MAP2K1: variants seen among roughly 807,000 people sequenced by gnomAD.
The protein encoded by MAP2K1 is dual specificity mitogen-activated protein kinase kinase 1.
A neutral mutation model predicts 46.3 loss-of-function variants in MAP2K1; 16 were observed. The observed-to-expected ratio is 0.35, with a 90% CI of 0.23 to 0.52. The LOEUF is 0.52. Among genes scored for constraint, MAP2K1 ranks in the 20% least tolerant of loss-of-function variants. The pLI is 0.94. For synonymous variants in MAP2K1, 183 were observed against 185.6 expected, an observed-to-expected ratio of 0.99 and a Z score of 0.11; for missense variants, 263 against 497.1, an observed-to-expected ratio of 0.53 and a Z score of 4.48.
At chr15:66,423,441 C>G (rs2093448604) in intron 1 of MAP2K1, among the ~76,000 whole-genome samples, 1 of 134,322 alleles carries the variant, frequency 7.4e-6, no homozygotes, top group African/African-American at 2.6e-5. Flanking sequence ...GTTTTTCTTT[C>G]CTTTTTTTTT....
chr15:66,415,190 C>G (rs1041291851), intron 1 of MAP2K1: 3 of 513,268 alleles, frequency 5.8e-6, no homozygotes, highest in Admixed American at 2.0e-5. Context: ...ACTGGTATGA[C>G]TGATGCCATC....
chr15:66,488,960 CAAGT>C lies in MAP2K1; in HGVS notation c.961-254_961-251del, dbSNP rs34067330. On this transcript the variant is annotated intron_variant, in intron 8 of 10. Transcript: ENST00000307102. ...TAGTGATTAGTTCAAAATCACCCGA[CAAGT>C]GAGTGGACTTGACTTGGTCCCAATT... 36,810 of 580,018 alleles carry C rather than the reference CAAGT, an allele frequency of 0.063. 1,478 individuals are homozygous for C. Among genetic ancestry groups the C allele is most frequent in the Middle Eastern group, 0.1 (215 of 2,144 alleles). 35.9% of individuals were successfully genotyped at this position (580,018 alleles called of 1,614,324 possible).
intron 6 of MAP2K1, among the ~76,000 whole-genome samples, chr15:66,482,882 T>C (rs1470317500): frequency 1.3e-5 from 2 of 151,002 alleles, no homozygotes; most frequent in African/African-American, 4.9e-5. Flanking sequence ...TGGCGGGGAG[T>C]GCAGGCCCGC....
chr15:66,435,281 G>C (rs2093484949), intron 2 of MAP2K1, 44 bp downstream of exon 2: 1 of 1,474,778 alleles, frequency 6.8e-7, no homozygotes, highest in Non-Finnish European at 9.5e-7. Context: ...ATTTCTCAGG[G>C]TACTTAGAAG....
chr15:66,414,984 G>A (rs2093421293), intron 1 of MAP2K1: 2 of 443,830 alleles, frequency 4.5e-6, no homozygotes, highest in East Asian at 1.4e-4. Context: ...AGGAAAGGCA[G>A]TAGCTGAAGA....
intron 5 of MAP2K1, among the ~76,000 whole-genome samples, chr15:66,462,090 CTG>C (rs1174604221): frequency 1.3e-5 from 2 of 152,160 alleles, no homozygotes; most frequent in South Asian, 2.1e-4. Context: ...AAAAGCAAGA[CTG>C]TACTTTACAA....
At chr15:66,486,709 C>T (rs1893045644) in intron 7 of MAP2K1, among the ~76,000 whole-genome samples, 1 of 152,134 alleles carries the variant, frequency 6.6e-6, no homozygotes, top group Non-Finnish European at 1.5e-5. Flanking sequence ...GATACCTGCC[C>T]TGTACCTCCA....
chr15:66,397,269 C>T (rs1458920325), intron 1 of MAP2K1, among the ~76,000 whole-genome samples: 2 of 152,148 alleles, frequency 1.3e-5, no homozygotes, highest in African/African-American at 2.4e-5. Context: ...TCCCAAAGTG[C>T]TGGGATTACA....
intron 5 of MAP2K1, among the ~76,000 whole-genome samples, chr15:66,459,622 A>AAG (rs1436685658): frequency 6.6e-6 from 1 of 150,666 alleles, no homozygotes; most frequent in Admixed American, 6.6e-5. Context: ...CATCTCAAAA[A>AAG]AAAAAAAAAA....
chr15:66,443,276 T>A lies in MAP2K1; in HGVS notation c.439-4T>A. The A allele has an allele frequency of 6.3e-7, 1 of 1,597,364 alleles. No individual in the cohort carries two copies. Among genetic ancestry groups the A allele is most frequent in the South Asian group, 1.1e-5 (1 of 90,752 alleles). On this transcript the variant is annotated splice_region_variant and splice_polypyrimidine_tract_variant and intron_variant, in intron 3 of 10. Transcript: ENST00000307102. ...ACTAACTGGTCTGGTATTCTCGATC[T>A]TAGGATGGAGGTTCTCTGGATCAAG...
chr15:66,401,058 G>C (rs2093380556), intron 1 of MAP2K1, among the ~76,000 whole-genome samples: 1 of 152,112 alleles, frequency 6.6e-6, no homozygotes. Context: ...ATTTTTTCCT[G>C]ATTTTTACAC....
intron 5 of MAP2K1, among the ~76,000 whole-genome samples, chr15:66,469,723 C>CATAT (rs1555419279): frequency 7.4e-6 from 1 of 134,464 alleles, no homozygotes; most frequent in Non-Finnish European, 1.6e-5. Flanking sequence ...CACACACACA[C>CATAT]ATATCGGATG....
intron 1 of MAP2K1, among the ~76,000 whole-genome samples, chr15:66,391,513 C>T (rs2093356202): frequency 6.6e-6 from 1 of 152,184 alleles, no homozygotes. Context: ...TGGTCTCGAT[C>T]TCCTGATCTC....
rs550214182 is a variant in MAP2K1 at position 66,423,949 on chromosome 15, C to T, written c.81-11078C>T. 1.4e-3 allele frequency among the ~76,000 whole-genome samples: 211 copies of T among 152,088 alleles called. 1 individual carries two copies. Among genetic ancestry groups the T allele is most frequent in the African/African-American group, 5.1e-3 (210 of 41,496 alleles). On this transcript the variant is annotated intron_variant, in intron 1 of 10. Coordinates refer to ENST00000307102, the MANE Select transcript of MAP2K1 (RefSeq NM_002755.4). ...TTTATTTTTAGCAGAGATGGGGTTT[C>T]ACCATGTTAGCCAGGCTGGTCTGGA...
At chr15:66,432,990 G>GTGTA (rs1285916918) in intron 1 of MAP2K1, among the ~76,000 whole-genome samples, 15 of 151,584 alleles carry the variant, frequency 9.9e-5, no homozygotes, top group African/African-American at 3.4e-4. Context: ...GTGTGTGTGT[G>GTGTA]TGTGTGTGTG....
chr15:66,404,175 G>C (rs576357023), intron 1 of MAP2K1, among the ~76,000 whole-genome samples: 5 of 152,128 alleles, frequency 3.3e-5, no homozygotes, highest in Non-Finnish European at 7.3e-5. Context: ...CCAAGGAAAG[G>C]TACCGTTCAC....
At chr15:66,431,767 A>G (rs1270409123) in intron 1 of MAP2K1, among the ~76,000 whole-genome samples, 1 of 152,154 alleles carries the variant, frequency 6.6e-6, no homozygotes, top group Non-Finnish European at 1.5e-5. Context: ...GACCTGTGCC[A>G]TGGTAGTTTT....
At chr15:66,411,086 C>G (rs191546045) in intron 1 of MAP2K1, among the ~76,000 whole-genome samples, 1 of 151,114 alleles carries the variant, frequency 6.6e-6, no homozygotes, top group East Asian at 1.9e-4. Flanking sequence ...GATAACTGTT[C>G]TTGAGGTTTC....
intron 1 of MAP2K1, among the ~76,000 whole-genome samples, chr15:66,404,308 C>T (rs1566997290): frequency 6.6e-6 from 1 of 152,120 alleles, no homozygotes; most frequent in Non-Finnish European, 1.5e-5. Flanking sequence ...GCGGAGATCG[C>T]GCCACTGCAC....
Sources: allele counts gnomAD v4.1 joint callset (sites outside exome capture counted in the v4.1 genomes callset), GRCh38; gene constraint gnomAD v4.1.1; transcripts MANE v1.5; gene names NCBI Gene and HGNC (gene_info 2026-07-23, HGNC 2026-07-21).